The following TYW1 variants were observed in gnomAD, a reference collection of about 807,000 sequenced individuals.
TYW1 encodes the protein S-adenosyl-L-methionine-dependent tRNA 4-demethylwyosine synthase TYW1.
A neutral mutation model predicts 96.2 loss-of-function variants in TYW1; 46 were observed. The observed-to-expected ratio is 0.48, with a 90% confidence interval of 0.38 to 0.61. The LOEUF (loss-of-function observed/expected upper bound fraction) is 0.61. TYW1 is among the 20% of genes least tolerant of loss of function. The pLI is 0.00. For synonymous variants in TYW1, 274 were observed against 323.0 expected (o/e 0.85, Z 1.63); for missense variants, 684 against 909.6 (o/e 0.75, Z 3.19).
rs1263466788 is a variant in TYW1 at position 67,018,002 on chromosome 7, G to C, written c.720G>C (p.Leu240=). 1.2e-6 allele frequency: 2 copies of C among 1,614,034 alleles called. No homozygotes were observed. Among genetic ancestry groups the C allele is most frequent in the Non-Finnish European group, 1.7e-6 (2 of 1,180,042 alleles). ...RAWKTKFISQ[L]QALQKGERKK... is the part of the protein sequence containing the mutation. ...GGAAGACCAAGTTCATCTCCCAGCT[G>C]CAGGCACTTCAGAAAGGGGAGAGAA... Residue 240 remains leucine (L), a synonymous_variant, in exon 6 of 16, where the codon CTG becomes CTC. Coordinates refer to ENST00000359626, the MANE Select transcript of TYW1 (RefSeq NM_018264.4).
At chr7:67,144,482 G>GTTTTGT (rs554605670) in intron 13 of TYW1, among the ~76,000 whole-genome samples, 2 of 151,750 alleles carry the variant, frequency 1.3e-5, no homozygotes, top group South Asian at 2.1e-4. Flanking sequence ...GTTTTGTTTT[G>GTTTTGT]TTTTTTTGAG....
At chr7:67,149,145 A>T (rs1431854198) in intron 13 of TYW1, among the ~76,000 whole-genome samples, 2 of 152,212 alleles carry the variant, frequency 1.3e-5, no homozygotes, top group Non-Finnish European at 2.9e-5. Context: ...TAGCCTGGCT[A>T]TTGCCATTTT....
intron 7 of TYW1, among the ~76,000 whole-genome samples, chr7:67,027,117 T>G (rs1794476168): frequency 6.6e-6 from 1 of 151,972 alleles, no homozygotes; most frequent in Non-Finnish European, 1.5e-5. Context: ...GAAGGGTTGC[T>G]TGGACCTGGG....
At chr7:67,021,683 A>G (rs183829562) in intron 6 of TYW1, among the ~76,000 whole-genome samples, 97 of 152,332 alleles carry the variant, frequency 6.4e-4, no homozygotes, top group African/African-American at 1.8e-3. Context: ...TTCAAGCACT[A>G]CTGGCTACCA....
intron 15 of TYW1, among the ~76,000 whole-genome samples, chr7:67,229,908 C>T (rs1239792455): frequency 6.6e-6 from 1 of 152,132 alleles, no homozygotes; most frequent in Admixed American, 6.5e-5. Flanking sequence ...GCTATGATTG[C>T]ACCACTGCAC....
intron 12 of TYW1, among the ~76,000 whole-genome samples, chr7:67,099,405 C>T (rs937900289): frequency 1.3e-5 from 2 of 152,102 alleles, no homozygotes; most frequent in African/African-American, 4.8e-5. Context: ...AAGGAACTTC[C>T]TGAGAAAGAC....
At chr7:67,068,289 T>C (rs1241292626) in intron 10 of TYW1, among the ~76,000 whole-genome samples, 1 of 152,246 alleles carries the variant, frequency 6.6e-6, no homozygotes, top group East Asian at 1.9e-4. Context: ...CCCAAAGTGC[T>C]GGGATTACAG....
At position 67,152,445 on chromosome 7, in the gene TYW1, TTC is replaced by T. The variant is rs1231334626; in HGVS notation, c.1699-30679_1699-30678del. Among the ~76,000 whole-genome samples, 413 of 152,164 alleles carry T rather than the reference TTC, an allele frequency of 2.7e-3. 4 individuals carry two copies. The highest frequency in any genetic ancestry group is 4.1e-3 in the Non-Finnish European group (282 of 68,032). ...AGAAGATTTTGCTCTCATTGTTTTT[TTC>T]TTCTTTGCTGGCATCTTCCCCTCAT... On this transcript the variant is annotated intron_variant, in intron 13 of 15. Coordinates refer to ENST00000359626, the MANE Select transcript of TYW1 (RefSeq NM_018264.4).
intron 13 of TYW1, among the ~76,000 whole-genome samples, chr7:67,127,113 A>G (rs1563027766): frequency 6.6e-6 from 1 of 151,102 alleles, no homozygotes; most frequent in African/African-American, 2.4e-5. Flanking sequence ...AAAGAACACT[A>G]TATTCCTTCC....
chr7:67,225,210 A>C (rs1465511215), intron 15 of TYW1, among the ~76,000 whole-genome samples: 2 of 142,606 alleles, frequency 1.4e-5, no homozygotes, highest in African/African-American at 2.7e-5. Flanking sequence ...AAAAAAAAAA[A>C]AAAAGTAGAA....
intron 13 of TYW1, among the ~76,000 whole-genome samples, chr7:67,172,551 G>A (rs1799548730): frequency 6.6e-6 from 1 of 151,864 alleles, no homozygotes; most frequent in Non-Finnish European, 1.5e-5. Flanking sequence ...CTCCCGAGTA[G>A]CTGGGATTAC....
chr7:67,236,467 G>A (rs979849379), intron 15 of TYW1, among the ~76,000 whole-genome samples: 7 of 152,182 alleles, frequency 4.6e-5, no homozygotes, highest in African/African-American at 1.7e-4. Context: ...TGGTGTGAGC[G>A]GCCAGGGAAA....
chr7:67,164,430 C>T (rs571856989), intron 13 of TYW1, among the ~76,000 whole-genome samples: 2 of 148,520 alleles, frequency 1.3e-5, no homozygotes, highest in South Asian at 2.2e-4. Context: ...GGCAACATAG[C>T]GAAACATCTC....
intron 15 of TYW1, among the ~76,000 whole-genome samples, chr7:67,224,847 A>T (rs1801507497): frequency 6.6e-6 from 1 of 151,588 alleles, no homozygotes; most frequent in African/African-American, 2.4e-5. Context: ...CTATTGGATC[A>T]TAGATACTAT....
intron 7 of TYW1, among the ~76,000 whole-genome samples, chr7:67,025,924 A>G (rs1443212218): frequency 1.3e-5 from 2 of 152,172 alleles, no homozygotes; most frequent in Non-Finnish European, 1.5e-5. Flanking sequence ...TACAAATTCA[A>G]ATGAACTCAG....
chr7:67,156,777 A>G, intron 13 of TYW1, among the ~76,000 whole-genome samples: 1 of 151,658 alleles, frequency 6.6e-6, no homozygotes, highest in Non-Finnish European at 1.5e-5. Flanking sequence ...CGGTGCTGTG[A>G]TGTAGTTGCT....
At chr7:67,003,268 A>G (rs997075136) in intron 3 of TYW1, among the ~76,000 whole-genome samples, 4 of 152,078 alleles carry the variant, frequency 2.6e-5, no homozygotes, top group African/African-American at 7.2e-5. Context: ...TATCCTTCCA[A>G]TTGCTTGGTC....
At chr7:67,222,016 G>A (rs1206064906) in intron 15 of TYW1, among the ~76,000 whole-genome samples, 5 of 152,000 alleles carry the variant, frequency 3.3e-5, no homozygotes, top group Admixed American at 3.3e-4. Flanking sequence ...TGGCTAAATG[G>A]CAAACCCCCA....
At chr7:67,165,650 A>G (rs1317740226) in intron 13 of TYW1, among the ~76,000 whole-genome samples, 1 of 152,188 alleles carries the variant, frequency 6.6e-6, no homozygotes. Context: ...TTTTAGGGCC[A>G]GGCGTGGTGG....
Sources: gnomAD v4.1 joint callset for allele counts (sites outside exome capture counted in the v4.1 genomes callset) on GRCh38, gnomAD v4.1.1 for gene constraint, MANE v1.5 for transcripts, NCBI Gene and HGNC (gene_info 2026-07-23, HGNC 2026-07-21) for gene names.